The following PTPRD variants were observed in gnomAD, a reference collection of about 807,000 sequenced individuals.
PTPRD encodes receptor-type tyrosine-protein phosphatase delta.
A neutral mutation model predicts 214.5 loss-of-function variants in PTPRD; 34 were observed. That is an observed-to-expected ratio of 0.16 (90% CI 0.12 to 0.21). The LOEUF is 0.21. Ranked by LOEUF, PTPRD falls within the 10% of genes least tolerant of loss-of-function variation. The pLI, the probability that PTPRD is intolerant of heterozygous loss-of-function variation, is 1.00. For synonymous variants in PTPRD, 1,128 were observed against 845.7 expected, an observed-to-expected ratio of 1.33 and a Z score of -5.79; for missense variants, 2,545 against 2,398.7, an observed-to-expected ratio of 1.06 and a Z score of -1.27.
intron 3 of PTPRD, among the ~76,000 whole-genome samples, chr9:10,222,116 C>T (rs930171175): frequency 1.3e-5 from 2 of 151,998 alleles, no homozygotes; most frequent in African/African-American, 4.8e-5. Context: ...CTAGTTTTCT[C>T]TTATTACTGA....
intron 8 of PTPRD, among the ~76,000 whole-genome samples, chr9:9,556,288 G>C (rs978411587): frequency 6.6e-6 from 1 of 152,128 alleles, no homozygotes; most frequent in East Asian, 1.9e-4. Flanking sequence ...TCTTCACACT[G>C]AGTAAGTTGA....
chr9:10,023,026 T>A (rs576160980), intron 4 of PTPRD, among the ~76,000 whole-genome samples: 1 of 152,212 alleles, frequency 6.6e-6, no homozygotes, highest in Non-Finnish European at 1.5e-5. Flanking sequence ...ATATTCTTTG[T>A]CCAACTGTTA....
At chr9:10,258,753 C>T (rs2093474096) in intron 3 of PTPRD, among the ~76,000 whole-genome samples, 2 of 152,038 alleles carry the variant, frequency 1.3e-5, no homozygotes, top group South Asian at 4.1e-4. Context: ...ATCTCTCTCT[C>T]TTTCTCTCTC....
intron 8 of PTPRD, among the ~76,000 whole-genome samples, chr9:9,547,509 T>C (rs573197676): frequency 5.1e-4 from 77 of 152,088 alleles, no homozygotes; most frequent in African/African-American, 1.8e-3. Context: ...TCGATAATAA[T>C]AGGGTCTACT....
chr9:8,783,716 G>A (rs373643258), intron 11 of PTPRD, among the ~76,000 whole-genome samples: 11 of 152,192 alleles, frequency 7.2e-5, no homozygotes, highest in East Asian at 1.9e-4. Context: ...GCTCAGTTCC[G>A]TTTCAATATT....
chr9:8,583,271 T>G (rs2093344483), intron 14 of PTPRD, among the ~76,000 whole-genome samples: 1 of 151,708 alleles, frequency 6.6e-6, no homozygotes, highest in Non-Finnish European at 1.5e-5. Context: ...AGCCCAGTTC[T>G]TAACAGGCCA....
chr9:10,110,308 T>C (rs575649536), intron 3 of PTPRD, among the ~76,000 whole-genome samples: 1 of 152,174 alleles, frequency 6.6e-6, no homozygotes, highest in Non-Finnish European at 1.5e-5. Context: ...GTGAAGTTGT[T>C]ATTATTGCTG....
intron 7 of PTPRD, among the ~76,000 whole-genome samples, chr9:9,703,074 G>A (rs2097533512): frequency 6.6e-6 from 1 of 152,144 alleles, no homozygotes; most frequent in African/African-American, 2.4e-5. Flanking sequence ...GGGAAGAACT[G>A]ATAAGAGGTG....
intron 5 of PTPRD, among the ~76,000 whole-genome samples, chr9:9,898,011 G>A (rs941218272): frequency 2.0e-5 from 3 of 152,012 alleles, no homozygotes; most frequent in Non-Finnish European, 1.5e-5. Context: ...AAAACAGGTG[G>A]CTTTGGTGCA....
chr9:9,089,413 T>A (rs1432325273), intron 10 of PTPRD, among the ~76,000 whole-genome samples: 3 of 152,160 alleles, frequency 2.0e-5, no homozygotes, highest in Admixed American at 2.0e-4. Context: ...GCTGGGACAA[T>A]TGCTCCCCAG....
chr9:9,988,431 C>A (rs1331713487), intron 4 of PTPRD, among the ~76,000 whole-genome samples: 1 of 152,130 alleles, frequency 6.6e-6, no homozygotes, highest in Non-Finnish European at 1.5e-5. Context: ...TCCAAGCATG[C>A]AGCTCAAACT....
At chr9:9,558,177 C>T (rs1472285372) in intron 8 of PTPRD, among the ~76,000 whole-genome samples, 1 of 152,164 alleles carries the variant, frequency 6.6e-6, no homozygotes, top group Non-Finnish European at 1.5e-5. Flanking sequence ...CATGTTGAGC[C>T]GAGCTGAACC....
intron 9 of PTPRD, among the ~76,000 whole-genome samples, chr9:9,333,272 A>T (rs2043016163): frequency 6.6e-6 from 1 of 151,660 alleles, no homozygotes; most frequent in African/African-American, 2.4e-5. Context: ...GTGGCTGCAG[A>T]GTAACAGAAA....
chr9:9,991,760 A>G (rs1187649141), intron 4 of PTPRD, among the ~76,000 whole-genome samples: 1 of 152,098 alleles, frequency 6.6e-6, no homozygotes, highest in Admixed American at 6.6e-5. Flanking sequence ...CACAAGATGA[A>G]TAGAACTTCC....
At chr9:10,211,328 A>G (rs2099515890) in intron 3 of PTPRD, among the ~76,000 whole-genome samples, 1 of 152,182 alleles carries the variant, frequency 6.6e-6, no homozygotes, top group South Asian at 2.1e-4. Context: ...AATGCGTCTG[A>G]AGACAAATCT....
intron 5 of PTPRD, among the ~76,000 whole-genome samples, chr9:9,811,267 G>A (rs1458780276): frequency 6.6e-6 from 1 of 152,104 alleles, no homozygotes; most frequent in Non-Finnish European, 1.5e-5. Flanking sequence ...GGCTTTGAAG[G>A]GTTCAGGAAC....
At chr9:9,677,366 C>T (rs2096955321) in intron 7 of PTPRD, among the ~76,000 whole-genome samples, 1 of 152,034 alleles carries the variant, frequency 6.6e-6, no homozygotes, top group African/African-American at 2.4e-5. Flanking sequence ...GTTTTCCCAG[C>T]ACCATGATCA....
intron 39 of PTPRD, among the ~76,000 whole-genome samples, chr9:8,348,955 C>G (rs1195699834): frequency 6.6e-6 from 1 of 152,094 alleles, no homozygotes; most frequent in Non-Finnish European, 1.5e-5. Flanking sequence ...GCGCTCTCCT[C>G]CAGGGAAAAG....
At chr9:8,376,890 T>C (rs946577643) in intron 37 of PTPRD, among the ~76,000 whole-genome samples, 164 bp from the exon 38 acceptor site, 4 of 152,172 alleles carry the variant, frequency 2.6e-5, no homozygotes, top group African/African-American at 9.7e-5. Flanking sequence ...ATTACTGCTC[T>C]GATGCCAATA....
Sources: gnomAD v4.1 joint callset for allele counts (sites outside exome capture counted in the v4.1 genomes callset) on GRCh38, gnomAD v4.1.1 for gene constraint, MANE v1.5 for transcripts, NCBI Gene and HGNC (gene_info 2026-07-23, HGNC 2026-07-21) for gene names.